The following CTBS variants were observed in gnomAD, a reference collection of about 807,000 sequenced individuals.
CTBS encodes chitobiase.
CTBS carries 35 observed loss-of-function variants against 44.3 expected under a neutral mutation model. That is an observed-to-expected ratio of 0.79 (90% CI 0.60 to 1.05). The LOEUF is 1.05. CTBS is among the 50% of genes least tolerant of loss of function. The pLI, the probability that CTBS is intolerant of heterozygous loss-of-function variation, is 0.00. For missense variants in CTBS, 458 were observed against 475.3 expected (o/e 0.96, Z 0.34); for synonymous variants, 143 against 168.0 (o/e 0.85, Z 1.15).
At position 84,550,080 on chromosome 1, in the gene CTBS, TATC is replaced by T. The variant is rs1388495234; in HGVS notation, c.*4916_*4918del. 16 of 153,182 alleles carry T rather than the reference TATC, an allele frequency of 1.0e-4. No individual in the cohort carries two copies. The East Asian group carries it at 1.9e-3, about 18-fold the overall frequency. The allele number at this position is 153,182 out of a possible 1,614,324, so 9.5% of individuals were successfully genotyped here. On this transcript the variant is annotated 3_prime_UTR_variant, in exon 7 of 7. Transcript: ENST00000370630. ...ATTAGTTTTTGCATATAAAATATAG[TATC>T]ATATTATTAAGTATTTTAAAATAAT...
chr1:84,556,166 C>G (rs946684711), intron 6 of CTBS, among the ~76,000 whole-genome samples: 1 of 152,120 alleles, frequency 6.6e-6, no homozygotes, highest in African/African-American at 2.4e-5. Flanking sequence ...CTACCTCTAT[C>G]TAGTACTAAC....
rs754461413 is a variant in CTBS, at chr1:84,563,349, C to T, written c.865G>A (p.Val289Met). The change falls in exon 6 of 7, where the codon GTG becomes ATG. Residue 289 changes from valine to methionine, a missense_variant. Val to Met is a conservative substitution (Grantham distance 21). Transcript: ENST00000370630. ...APCSDAAGRQ[V>M]PYKTIMKQIN... ...TGCTTCATGATCGTTTTGTAGGGCA[C>T]CTGACGTCCTGCAGCGTCACTACAA... is the stretch of plus-strand genomic sequence containing the variant. The T allele has an allele frequency of 2.0e-5, 32 of 1,598,122 alleles. 1 individual carries two copies. In the South Asian group the frequency reaches 3.4e-4, roughly 17 times the overall value.
chr1:84,562,795 T>C (rs1387152100), intron 6 of CTBS, among the ~76,000 whole-genome samples: 1 of 152,146 alleles, frequency 6.6e-6, no homozygotes, highest in Non-Finnish European at 1.5e-5. Flanking sequence ...AAATTGAAAA[T>C]GATAGTTTTT....
rs1182463060 is a variant in CTBS, at chr1:84,552,593, G to C, written c.*2406C>G. The C allele has an allele frequency of 6.6e-6, 1 of 152,616 alleles. No homozygotes were observed. The highest frequency in any genetic ancestry group is 1.5e-5 in the Non-Finnish European group (1 of 68,404). The allele number at this position is 152,616 out of a possible 1,614,324, so 9.5% of individuals were successfully genotyped here. On this transcript the variant is annotated 3_prime_UTR_variant, in exon 7 of 7. Transcript: ENST00000370630. ...ATAAGAGACTAATACACTTAGAAGAGTGCTTGCCACAGAGTAAACACTATA... is the reference window on the plus strand; with the variant it reads ...ATAAGAGACTAATACACTTAGAAGACTGCTTGCCACAGAGTAAACACTATA...
Position 84,563,413 on chromosome 1 carries a change from A to G in CTBS, c.801T>C (p.His267=). The part of the protein sequence containing the change: ...DYTCLNLSED[H]VCTIAKVPFR... ...AAGGGACTTTTGCAATGGTACAAAC[A>G]TGATCCTAGAAATGCAAAAGTGCTC... Residue 267 remains histidine, a synonymous_variant, in exon 6 of 7, where the codon CAT becomes CAC. Coordinates refer to ENST00000370630, the MANE Select transcript of CTBS (RefSeq NM_004388.3). 5 of 1,517,336 alleles carry G rather than the reference A, an allele frequency of 3.3e-6. No individual in the cohort carries two copies. Among genetic ancestry groups the G allele is most frequent in the Non-Finnish European group, 3.5e-6 (4 of 1,137,010 alleles). 94.0% of individuals were successfully genotyped at this position (1,517,336 alleles called of 1,614,324 possible).
chr1:84,570,502 T>C, intron 2 of CTBS, 80 bp downstream of exon 2: 1 of 1,305,994 alleles, frequency 7.7e-7, no homozygotes, highest in Admixed American at 2.3e-5. Context: ...TAAAAGGACT[T>C]TTTTGGAAAG....
intron 6 of CTBS, among the ~76,000 whole-genome samples, chr1:84,556,739 A>C (rs1684443850): frequency 6.6e-6 from 1 of 150,962 alleles, no homozygotes; most frequent in African/African-American, 2.4e-5. Flanking sequence ...GACCACTTTG[A>C]AGGAAAATAA....
At position 84,574,272 on chromosome 1, in the gene CTBS, G is replaced by T; in HGVS notation, c.144C>A (p.Leu48=). 1 of 1,595,690 alleles carries T rather than the reference G, an allele frequency of 6.3e-7. No individual in the cohort carries two copies. Among genetic ancestry groups the T allele is most frequent in the Non-Finnish European group, 8.5e-7 (1 of 1,172,558 alleles). ...CTGGATGGTGGCGAATCGGGCGGCA[G>T]AGCTCAGGCTCCGGGCATGGGCAGT... is the stretch of plus-strand genomic sequence containing the variant. ...GTDCPCPEPE[L]CRPIRHHPDF... Residue 48 remains leucine (L), a synonymous_variant, in exon 1 of 7, where the codon CTC becomes CTA. Transcript: ENST00000370630.
chr1:84,564,050 CAATT>C, intron 4 of CTBS: 1 of 170,892 alleles, frequency 5.9e-6, no homozygotes, highest in Non-Finnish European at 1.2e-5. Context: ...ACATTCAAAA[CAATT>C]AAGATCATAC....
Position 84,555,031 on chromosome 1 carries a change from C to G in CTBS, c.1126G>C (p.Glu376Gln). The G allele has an allele frequency of 6.2e-7, 1 of 1,613,894 alleles. No homozygotes were observed. The highest frequency in any genetic ancestry group is 2.2e-5 in the East Asian group (1 of 44,854). The change falls in exon 7 of 7, where the codon GAA (glutamate) becomes CAA (glutamine). Residue 376 changes from glutamate to glutamine, a missense_variant. Physicochemically the swap from Glu to Gln is conservative, Grantham distance 29. Coordinates refer to ENST00000370630, the MANE Select transcript of CTBS (RefSeq NM_004388.3). ...VAKQQTEEMW[E>Q]VLKPKLLQR The stretch of plus-strand genomic sequence containing the variant: ...TGTAACAGCTTTGGCTTTAAGACTT[C>G]CCACATTTCTTCAGTTTGCTGTTTG...
chr1:84,570,174 G>A, intron 2 of CTBS, 35 bp from the exon 3 acceptor site: 2 of 1,542,690 alleles, frequency 1.3e-6, no homozygotes, highest in Non-Finnish European at 1.8e-6. Context: ...GAACATGTAT[G>A]CAAAAACATT....
In CTBS at chr1:84,554,275, A is replaced by C. The variant is rs1180160950; in HGVS notation, c.*724T>G. ...TCAAGTTCAACTGCAAGTTATTCCTATTATTAAAAATTTTACAAATGAGCC... is the reference window on the plus strand; with the variant it reads ...TCAAGTTCAACTGCAAGTTATTCCTCTTATTAAAAATTTTACAAATGAGCC... On this transcript the variant is annotated 3_prime_UTR_variant, in exon 7 of 7. Coordinates refer to ENST00000370630, the MANE Select transcript of CTBS (RefSeq NM_004388.3). 6.6e-6 allele frequency: 1 copy of C among 152,218 alleles called. No homozygotes were observed. The highest frequency in any genetic ancestry group is 2.4e-5 in the African/African-American group (1 of 41,464). The allele number at this position is 152,218 out of a possible 1,614,324, so 9.4% of individuals were successfully genotyped here.
At chr1:84,571,298 TAAGTG>T (rs1442757316) in intron 1 of CTBS, among the ~76,000 whole-genome samples, 2 of 152,182 alleles carry the variant, frequency 1.3e-5, no homozygotes, top group African/African-American at 4.8e-5. Flanking sequence ...GCAGTGGCGT[TAAGTG>T]AACAGATCTG....
chr1:84,573,921 T>C (rs750228834), intron 1 of CTBS: 16 of 1,257,072 alleles, frequency 1.3e-5, no homozygotes, highest in Non-Finnish European at 1.6e-5. Flanking sequence ...CCTACCTTGT[T>C]TGCTTTTTAC....
chr1:84,562,416 T>A (rs1051669680), intron 6 of CTBS, among the ~76,000 whole-genome samples: 5 of 152,230 alleles, frequency 3.3e-5, no homozygotes, highest in Admixed American at 1.3e-4. Flanking sequence ...CATACACATG[T>A]ATATCAATTA....
In CTBS at chr1:84,554,841, G is replaced by A. The variant is rs1684381786; in HGVS notation, c.*158C>T. The A allele has an allele frequency of 8.3e-6, 5 of 599,722 alleles. No individual in the cohort carries two copies. The highest frequency in any genetic ancestry group is 5.7e-5 in the East Asian group (2 of 34,964). The allele number at this position is 599,722 out of a possible 1,614,324, so 37.2% of individuals were successfully genotyped here. A position where few individuals can be genotyped will look rare whatever the true frequency, so the allele number is the denominator to read the frequency against. Reference sequence around the variant, plus strand: ...ATGTTCCTGGATACTGAGGACATTCGTGTGTATTTTTCAAATTCAAACAAT... The same window carrying A: ...ATGTTCCTGGATACTGAGGACATTCATGTGTATTTTTCAAATTCAAACAAT... On this transcript the variant is annotated 3_prime_UTR_variant, in exon 7 of 7. Transcript: ENST00000370630.
chr1:84,555,082 G>C lies in CTBS; in HGVS notation c.1075C>G (p.Leu359Val). ...RGIGMWNANC[L>V]DYSGDAVAKQ... Reference sequence around the variant, plus strand: ...GCTACAGCATCTCCAGAGTAGTCAAGACAGTTTGCATTCCACATGCCAATG... The same window carrying C: ...GCTACAGCATCTCCAGAGTAGTCAACACAGTTTGCATTCCACATGCCAATG... The change falls in exon 7 of 7, where the codon CTT (leucine) becomes GTT (valine). Residue 359 changes from leucine (L) to valine (V), a missense_variant. By Grantham distance (32) the Leu-to-Val change is conservative. Transcript: ENST00000370630. 1 of 1,613,998 alleles carries C rather than the reference G, an allele frequency of 6.2e-7. No individual in the cohort carries two copies.
Position 84,552,827 on chromosome 1 carries a change from C to T in CTBS, c.*2172G>A. 1 of 460,550 alleles carries T rather than the reference C, an allele frequency of 2.2e-6. No homozygotes were observed. The highest frequency in any genetic ancestry group is 3.0e-5 in the South Asian group (1 of 33,706). 28.5% of individuals were successfully genotyped at this position (460,550 alleles called of 1,614,324 possible). A position where few individuals can be genotyped will look rare whatever the true frequency, so the allele number is the denominator to read the frequency against. ...ACTCATAAACAAGGTTACCTTATAGCATATCTCACCAGTAGATAAGCATGC... is the reference window on the plus strand; with the variant it reads ...ACTCATAAACAAGGTTACCTTATAGTATATCTCACCAGTAGATAAGCATGC... On this transcript the variant is annotated 3_prime_UTR_variant, in exon 7 of 7. Coordinates refer to ENST00000370630, the MANE Select transcript of CTBS (RefSeq NM_004388.3).
chr1:84,563,939 AT>A, intron 4 of CTBS, 107 bp from the exon 5 acceptor site: 1 of 1,265,120 alleles, frequency 7.9e-7, no homozygotes, highest in Non-Finnish European at 1.0e-6. Context: ...AAGTACATTT[AT>A]AAAAAACACT....
Sources: allele counts gnomAD v4.1 joint callset (sites outside exome capture counted in the v4.1 genomes callset), GRCh38; gene constraint gnomAD v4.1.1; transcripts MANE v1.5; gene names NCBI Gene and HGNC (gene_info 2026-07-23, HGNC 2026-07-21).